The following RALYL variants were observed in gnomAD, a reference collection of about 807,000 sequenced individuals.
The protein encoded by RALYL is RNA-binding Raly-like protein.
Under a neutral mutation model 35.1 loss-of-function variants are expected in RALYL, and 29 were observed. The ratio of observed to expected loss-of-function variants is 0.83; its 90% CI spans 0.61 to 1.13. RALYL has a LOEUF of 1.13. RALYL is among the 50% of genes most tolerant of loss of function. The pLI, the probability that RALYL is intolerant of heterozygous loss-of-function variation, is 0.00. For missense variants in RALYL, 359 were observed against 360.4 expected (o/e 1.00, Z 0.03); for synonymous variants, 120 against 127.6 (o/e 0.94, Z 0.40).
In RALYL at chr8:84,619,732, C is replaced by T. The variant is rs1032752340; in HGVS notation, c.256+90155C>T. Among the ~76,000 whole-genome samples, 11 of 151,354 alleles carry T rather than the reference C, an allele frequency of 7.3e-5. 1 individual carries two copies. Among genetic ancestry groups the T allele is most frequent in the African/African-American group, 2.2e-4 (9 of 40,914 alleles). On this transcript the variant is annotated intron_variant, in intron 2 of 8. Transcript: ENST00000521268. ...GGCATGATTTTGCAGCAGCTGGTGC[C>T]GGTTGTTCCTTTCCATGTTTAGCGC...
chr8:84,239,808 T>C (rs1827455637), intron 1 of RALYL, among the ~76,000 whole-genome samples: 3 of 152,024 alleles, frequency 2.0e-5, no homozygotes, highest in Admixed American at 2.0e-4. Context: ...GGAGAATCGC[T>C]GGAATCTGGG....
intron 2 of RALYL, among the ~76,000 whole-genome samples, chr8:84,651,675 C>A (rs538839539): frequency 2.0e-5 from 3 of 151,638 alleles, no homozygotes; most frequent in South Asian, 2.1e-4. Context: ...AGGTGCTGAT[C>A]AAAAATTATG....
intron 2 of RALYL, among the ~76,000 whole-genome samples, chr8:84,553,830 G>T (rs1456192111): frequency 6.6e-6 from 1 of 151,948 alleles, no homozygotes; most frequent in Admixed American, 6.6e-5. Flanking sequence ...TTTCTTACGT[G>T]TATATCTATG....
At chr8:84,691,018 T>G (rs891641269) in intron 2 of RALYL, among the ~76,000 whole-genome samples, 3 of 152,056 alleles carry the variant, frequency 2.0e-5, no homozygotes, top group African/African-American at 4.8e-5. Flanking sequence ...ATTTTTGAGG[T>G]TAAAAGAAAA....
At chr8:84,259,897 C>T (rs1431424577) in intron 1 of RALYL, among the ~76,000 whole-genome samples, 4 of 152,140 alleles carry the variant, frequency 2.6e-5, no homozygotes, top group Admixed American at 1.3e-4. Context: ...TCCCCAAGAA[C>T]GGAGACCAGG....
chr8:84,466,627 G>A (rs1453551125), intron 1 of RALYL, among the ~76,000 whole-genome samples: 1 of 150,438 alleles, frequency 6.6e-6, no homozygotes, highest in Non-Finnish European at 1.5e-5. Flanking sequence ...GTCTCTGCCT[G>A]GCTTTGGTAT....
chr8:84,638,871 A>AAT (rs71273908), intron 2 of RALYL, among the ~76,000 whole-genome samples: 604 of 85,220 alleles, frequency 7.1e-3, no homozygotes, highest in East Asian at 0.012. Context: ...TGCACGCATA[A>AAT]ATATATATAT....
chr8:84,901,848 T>A (rs1845750840), intron 8 of RALYL, among the ~76,000 whole-genome samples: 1 of 152,114 alleles, frequency 6.6e-6, no homozygotes, highest in Non-Finnish European at 1.5e-5. Context: ...AATAGTTCAG[T>A]TAGTCATGAA....
intron 1 of RALYL, among the ~76,000 whole-genome samples, chr8:84,233,743 G>C (rs1293734781): frequency 6.6e-6 from 1 of 152,024 alleles, no homozygotes; most frequent in African/African-American, 2.4e-5. Flanking sequence ...TCATATTCTG[G>C]GGTCTCATGG....
chr8:84,315,612 C>A (rs533466000), intron 1 of RALYL, among the ~76,000 whole-genome samples: 1 of 152,152 alleles, frequency 6.6e-6, no homozygotes, highest in East Asian at 1.9e-4. Context: ...CAACATCTAT[C>A]AAAATTGGTT....
intron 2 of RALYL, among the ~76,000 whole-genome samples, chr8:84,608,217 G>GA (rs1817570974): frequency 6.6e-6 from 1 of 152,102 alleles, no homozygotes; most frequent in South Asian, 2.1e-4. Flanking sequence ...CAAGAGTGGT[G>GA]AAGGAATCCC....
chr8:84,492,037 A>C (rs1383341750), intron 1 of RALYL, among the ~76,000 whole-genome samples: 1 of 151,996 alleles, frequency 6.6e-6, no homozygotes, highest in African/African-American at 2.4e-5. Context: ...AAACAGTTCT[A>C]TTATGGAAGC....
intron 4 of RALYL, among the ~76,000 whole-genome samples, chr8:84,848,325 T>C (rs1370126976): frequency 6.6e-6 from 1 of 151,938 alleles, no homozygotes; most frequent in African/African-American, 2.4e-5. Flanking sequence ...AGGGGTGATA[T>C]AGATAATATT....
chr8:84,549,658 G>C (rs544153510), intron 2 of RALYL, among the ~76,000 whole-genome samples: 21 of 152,314 alleles, frequency 1.4e-4, no homozygotes, highest in Admixed American at 1.4e-3. Context: ...TAGGAATGCA[G>C]ATATGCATGA....
intron 3 of RALYL, among the ~76,000 whole-genome samples, chr8:84,797,761 T>C (rs902592821): frequency 4.6e-5 from 7 of 152,244 alleles, no homozygotes; most frequent in African/African-American, 1.7e-4. Context: ...TCGACTTTAG[T>C]GGAGAATGTT....
chr8:84,890,524 C>CTT (rs1157997752), intron 8 of RALYL, among the ~76,000 whole-genome samples: 2 of 152,124 alleles, frequency 1.3e-5, no homozygotes, highest in Admixed American at 1.3e-4. Flanking sequence ...ATTTTGCAAA[C>CTT]TTTAAGATGT....
chr8:84,396,810 A>C (rs1861842976), intron 1 of RALYL, among the ~76,000 whole-genome samples: 1 of 152,162 alleles, frequency 6.6e-6, no homozygotes, highest in African/African-American at 2.4e-5. Context: ...TAAAATGATC[A>C]GGATTGTCTT....
intron 1 of RALYL, among the ~76,000 whole-genome samples, chr8:84,302,133 T>C (rs73296714): frequency 1.3e-5 from 2 of 152,108 alleles, no homozygotes; most frequent in Admixed American, 6.6e-5. Context: ...CTGAGACATA[T>C]AAGGGATGTG....
intron 1 of RALYL, among the ~76,000 whole-genome samples, chr8:84,275,401 TACTA>T (rs1226320816): frequency 1.3e-5 from 2 of 152,010 alleles, no homozygotes; most frequent in Admixed American, 6.6e-5. Context: ...GTAAAATCAG[TACTA>T]ACTTTTTTGT....
Sources: gnomAD v4.1 joint callset for allele counts (sites outside exome capture counted in the v4.1 genomes callset) on GRCh38, gnomAD v4.1.1 for gene constraint, MANE v1.5 for transcripts, NCBI Gene and HGNC (gene_info 2026-07-23, HGNC 2026-07-21) for gene names.